The following GNPTAB variants were observed in gnomAD, a reference collection of about 807,000 sequenced individuals.
GNPTAB encodes N-acetylglucosamine-1-phosphotransferase subunits alpha/beta.
A neutral mutation model predicts 136.6 loss-of-function variants in GNPTAB; 92 were observed. The observed-to-expected ratio is 0.67, with a 90% CI of 0.57 to 0.80. The LOEUF is 0.80. Ranked by LOEUF, GNPTAB falls within the 30% of genes least tolerant of loss-of-function variation. GNPTAB has a pLI of 0.00. For missense variants in GNPTAB, 1,343 were observed against 1,501.8 expected, an observed-to-expected ratio of 0.89 and a Z score of 1.75; for synonymous variants, 512 against 535.1, an observed-to-expected ratio of 0.96 and a Z score of 0.60.
At position 101,768,114 on chromosome 12, in the gene GNPTAB, C is replaced by A; in HGVS notation, c.1331G>T (p.Gly444Val). The change falls in exon 11 of 21, where the codon GGT (glycine) becomes GTT (valine). Residue 444 changes from glycine to valine, a missense_variant. Physicochemically the swap from Gly to Val is moderately radical, Grantham distance 109 (BLOSUM62 -3). Transcript: ENST00000299314. ...ACAATAGCCATCCTTAATCCAGGAA[C>A]CTGGGCAGCCCTCGGCACAGTTTGG... ...PVPNCAEGCP[G>V]SWIKDGYCDK... is the part of the protein sequence containing the mutation. 6.2e-7 allele frequency: 1 copy of A among 1,614,116 alleles called. No individual in the cohort carries two copies. Among genetic ancestry groups the A allele is most frequent in the Non-Finnish European group, 8.5e-7 (1 of 1,179,962 alleles).
At chr12:101,796,913 T>C in intron 1 of GNPTAB, 151 bp from the exon 2 acceptor site, 1 of 628,492 alleles carries the variant, frequency 1.6e-6, no homozygotes. Flanking sequence ...TACATCGTGT[T>C]AGATCCAGGT....
At chr12:101,769,581 CTCATA>C (rs1460455107) in intron 10 of GNPTAB, among the ~76,000 whole-genome samples, 7 of 152,028 alleles carry the variant, frequency 4.6e-5, no homozygotes, top group African/African-American at 1.7e-4. Context: ...ATTATTTGAT[CTCATA>C]TATCTATATA....
chr12:101,764,364 TTTC>T lies in GNPTAB; in HGVS notation c.2550_2552del (p.Lys851del). On this transcript the variant is annotated inframe_deletion, in exon 13 of 21. Transcript: ENST00000299314. ...TGTTCTCTTTTTCTTTCCCTGTGATTTTCTTTTCTTTTGTCATCTGGCTTTCCA... is the reference window on the plus strand; with the variant it reads ...TGTTCTCTTTTTCTTTCCCTGTGATTTTTTCTTTTGTCATCTGGCTTTCCA... 4 of 1,614,062 alleles carry T rather than the reference TTTC, an allele frequency of 2.5e-6. No homozygotes were observed. Among genetic ancestry groups the T allele is most frequent in the Non-Finnish European group, 3.4e-6 (4 of 1,180,022 alleles).
In GNPTAB at chr12:101,753,542, G is replaced by C; in HGVS notation, c.3435-3C>G. ...TGTCATTCAGGCAAACAAACTTCCT[G>C]AAATAACAGAGAGCCAGGGTTATTA... On this transcript the variant is annotated splice_polypyrimidine_tract_variant and splice_region_variant and intron_variant, in intron 18 of 20. Transcript: ENST00000299314. The C allele has an allele frequency of 1.9e-6, 3 of 1,611,788 alleles. No individual in the cohort carries two copies. The highest frequency in any genetic ancestry group is 2.5e-6 in the Non-Finnish European group (3 of 1,178,506).
rs1042427154 is a variant in GNPTAB at position 101,771,157 on chromosome 12, A to G, written c.772T>C (p.Leu258=). 5.6e-6 allele frequency: 9 copies of G among 1,612,566 alleles called. No homozygotes were observed. The highest frequency in any genetic ancestry group is 1.3e-5 in the African/African-American group (1 of 74,882). The change falls in exon 8 of 21, where the codon TTG becomes CTG. Residue 258 remains leucine, a splice_region_variant and synonymous_variant. Coordinates refer to ENST00000299314, the MANE Select transcript of GNPTAB (RefSeq NM_024312.5). ...ACACTGGCCTCTGAATACAACTGCAACTATCAAATAACAAGAGGATTACAC... is the reference window on the plus strand; with the variant it reads ...ACACTGGCCTCTGAATACAACTGCAGCTATCAAATAACAAGAGGATTACAC... The part of the protein sequence containing the change: ...PENLSSKVKL[L]QLYSEASVAL...
chr12:101,813,394 A>G (rs1288998898), intron 1 of GNPTAB, among the ~76,000 whole-genome samples: 1 of 152,236 alleles, frequency 6.6e-6, no homozygotes, highest in Non-Finnish European at 1.5e-5. Context: ...AACCTGATAC[A>G]GGCTCTTCAG....
chr12:101,816,712 G>A (rs1324696466), intron 1 of GNPTAB, among the ~76,000 whole-genome samples: 1 of 151,710 alleles, frequency 6.6e-6, no homozygotes, highest in Non-Finnish European at 1.5e-5. Context: ...CCAAAAGAAA[G>A]GAAATCCGTA....
At chr12:101,787,239 G>A (rs73163787) in intron 4 of GNPTAB, among the ~76,000 whole-genome samples, 7,793 of 152,160 alleles carry the variant, frequency 0.051, 270 homozygotes, top group Middle Eastern at 0.14. Context: ...GTGAAATACA[G>A]AAATGCCCAA....
chr12:101,765,908 C>T (rs966961025), intron 12 of GNPTAB, 183 bp downstream of exon 12: 8 of 612,084 alleles, frequency 1.3e-5, no homozygotes. Context: ...GCAACAATAA[C>T]AGGAAAAGAT....
intron 7 of GNPTAB, among the ~76,000 whole-genome samples, 179 bp from the exon 8 acceptor site, chr12:101,771,336 C>T (rs953409635): frequency 6.6e-6 from 1 of 151,918 alleles, no homozygotes; most frequent in Non-Finnish European, 1.5e-5. Flanking sequence ...CTCCGCCTCC[C>T]GGGTTCAAGC....
intron 1 of GNPTAB, among the ~76,000 whole-genome samples, chr12:101,798,829 C>T (rs139053641): frequency 1.3e-5 from 2 of 152,250 alleles, no homozygotes; most frequent in African/African-American, 4.8e-5. Context: ...ATGTTTCTTA[C>T]GTATTTTTCA....
intron 1 of GNPTAB, among the ~76,000 whole-genome samples, chr12:101,814,097 C>G (rs943939233): frequency 2.7e-5 from 4 of 147,638 alleles, no homozygotes; most frequent in African/African-American, 1.0e-4. Flanking sequence ...AAAAAGAGTT[C>G]AAGACCAGCT....
At chr12:101,826,241 C>T (rs1161012721) in intron 1 of GNPTAB, among the ~76,000 whole-genome samples, 4 of 152,258 alleles carry the variant, frequency 2.6e-5, no homozygotes, top group South Asian at 2.1e-4. Flanking sequence ...AATTACCATT[C>T]ATTACGAGTA....
intron 7 of GNPTAB, among the ~76,000 whole-genome samples, chr12:101,775,588 C>A (rs1165579296): frequency 6.6e-6 from 1 of 151,962 alleles, no homozygotes; most frequent in African/African-American, 2.4e-5. Flanking sequence ...TGGTCTCAAT[C>A]TCCTGACCTC....
Position 101,771,133 on chromosome 12 carries a change from C to T in GNPTAB, c.796G>A (p.Val266Ile). 2 of 1,613,832 alleles carry T rather than the reference C, an allele frequency of 1.2e-6. No homozygotes were observed. Among genetic ancestry groups the T allele is most frequent in the Non-Finnish European group, 1.7e-6 (2 of 1,179,734 alleles). ...GGGTTATTCAGTTTTAGAAGCGCTA[C>T]ACTGGCCTCTGAATACAACTGCAAC... ...KLLQLYSEAS[V>I]ALLKLNNPKD... The change falls in exon 8 of 21, where the codon GTA becomes ATA. Residue 266 changes from valine (V) to isoleucine (I), a missense_variant. Transcript: ENST00000299314.
intron 1 of GNPTAB, among the ~76,000 whole-genome samples, chr12:101,821,763 G>A (rs1358051324): frequency 6.6e-6 from 1 of 152,114 alleles, no homozygotes; most frequent in Non-Finnish European, 1.5e-5. Context: ...AGTTGGGTGG[G>A]TACCATGTCT....
intron 1 of GNPTAB, among the ~76,000 whole-genome samples, chr12:101,817,194 G>A (rs748686851): frequency 6.6e-6 from 1 of 150,564 alleles, no homozygotes; most frequent in Non-Finnish European, 1.5e-5. Context: ...GATCTAGAAT[G>A]TTCCCAACAC....
At chr12:101,826,500 T>C (rs919481748) in intron 1 of GNPTAB, among the ~76,000 whole-genome samples, 3 of 107,242 alleles carry the variant, frequency 2.8e-5, no homozygotes, top group Admixed American at 1.9e-4. Context: ...ATTTTTCTGA[T>C]TTTTAATTTT....
chr12:101,753,504 T>C lies in GNPTAB; in HGVS notation c.3470A>G (p.Asn1157Ser). Residue 1157 changes from asparagine (N) to serine (S), a missense_variant, in exon 19 of 21, where the codon AAT (asparagine) becomes AGT (serine). By Grantham distance (46) the Asn-to-Ser change is conservative. Coordinates refer to ENST00000299314, the MANE Select transcript of GNPTAB (RefSeq NM_024312.5). The stretch of plus-strand genomic sequence containing the variant: ...CTTCACTGTCTGAGCATCTTTATGA[T>C]TGTGGTCAATGTTGTCATTCAGGCA... Reference protein sequence around the residue: ...FVCLNDNIDHNHKDAQTVKAV... With the variant: ...FVCLNDNIDHSHKDAQTVKAV... The C allele has an allele frequency of 6.2e-7, 1 of 1,614,024 alleles. No individual in the cohort carries two copies. The highest frequency in any genetic ancestry group is 1.3e-5 in the African/African-American group (1 of 75,036).
Sources: gnomAD v4.1 joint callset for allele counts (sites outside exome capture counted in the v4.1 genomes callset) on GRCh38, gnomAD v4.1.1 for gene constraint, MANE v1.5 for transcripts, NCBI Gene and HGNC (gene_info 2026-07-23, HGNC 2026-07-21) for gene names.